The following CDK17 variants were observed in gnomAD, a reference collection of about 807,000 sequenced individuals.
CDK17 encodes the protein cyclin-dependent kinase 17.
CDK17 carries 24 observed loss-of-function variants against 77.6 expected under a neutral mutation model. That is an observed-to-expected ratio of 0.31 (90% CI 0.22 to 0.44). The LOEUF is 0.44. Among genes scored for constraint, CDK17 ranks in the 20% least tolerant of loss-of-function variants. The pLI is 1.00. For missense variants in CDK17, 429 were observed against 622.5 expected (o/e 0.69, Z 3.31); for synonymous variants, 203 against 210.4 (o/e 0.96, Z 0.30).
chr12:96,341,132 T>C (rs1231693676), intron 1 of CDK17, among the ~76,000 whole-genome samples: 1 of 152,158 alleles, frequency 6.6e-6, no homozygotes, highest in African/African-American at 2.4e-5. Flanking sequence ...TTAGAATAAA[T>C]GGATGAATCT....
chr12:96,288,863 T>C lies in CDK17; in HGVS notation c.1118+304A>G, dbSNP rs376774228. Among the ~76,000 whole-genome samples, 4 of 152,344 alleles carry C rather than the reference T, an allele frequency of 2.6e-5. No homozygotes were observed. The East Asian group carries it at 7.7e-4, about 29-fold the overall frequency. ...TCTCATAAAGCACTCTTCTGAGTGTTCATTTAATCTTAACATCACCTACAA... is the reference window on the plus strand; with the variant it reads ...TCTCATAAAGCACTCTTCTGAGTGTCCATTTAATCTTAACATCACCTACAA... On this transcript the variant is annotated intron_variant, in intron 11 of 16. Transcript: ENST00000261211.
At chr12:96,390,594 A>G (rs1363897060) in intron 1 of CDK17, among the ~76,000 whole-genome samples, 10 of 150,170 alleles carry the variant, frequency 6.7e-5, no homozygotes, top group Admixed American at 6.6e-4. Context: ...CTGTAGTCCC[A>G]GCTGCTCAGG....
Position 96,297,696 on chromosome 12 carries a change from A to G in CDK17, c.741T>C (p.His247=), listed in dbSNP as rs1306884453. 1 of 1,598,260 alleles carries G rather than the reference A, an allele frequency of 6.3e-7. No homozygotes were observed. Among genetic ancestry groups the G allele is most frequent in the African/African-American group, 1.3e-5 (1 of 74,476 alleles). The part of the protein sequence containing the change: ...REVSLLKDLK[H]ANIVTLHDIV... ...TGTCATGTAAGGTTACTATATTTGC[A>G]TGTTTTAAATCCTTTAATAGTGAAA... is the stretch of plus-strand genomic sequence containing the variant. The change falls in exon 8 of 17, where the codon CAT becomes CAC. Residue 247 remains histidine, a synonymous_variant. Transcript: ENST00000261211.
intron 1 of CDK17, chr12:96,398,992 G>A (rs1194434984): frequency 6.6e-6 from 1 of 152,180 alleles, no homozygotes; most frequent in African/African-American, 2.4e-5. Context: ...GGAAAGGGTG[G>A]GAGGAAGAGA....
At chr12:96,320,172 C>G (rs1011789320) in intron 3 of CDK17, among the ~76,000 whole-genome samples, 1 of 151,676 alleles carries the variant, frequency 6.6e-6, no homozygotes, top group Admixed American at 6.6e-5. Context: ...AACAGACAAA[C>G]AGAGAGCCAA....
At chr12:96,357,229 A>AGGCAGG (rs1431451568) in intron 1 of CDK17, among the ~76,000 whole-genome samples, 1 of 151,198 alleles carries the variant, frequency 6.6e-6, no homozygotes, top group Non-Finnish European at 1.5e-5. Context: ...TGGGAGGCTG[A>AGGCAGG]GGCAGGAGCA....
At chr12:96,353,533 T>C (rs1035554506) in intron 1 of CDK17, among the ~76,000 whole-genome samples, 3 of 144,974 alleles carry the variant, frequency 2.1e-5, no homozygotes, top group African/African-American at 7.6e-5. Flanking sequence ...TATTTTGAAA[T>C]AAGGAGCCAG....
Position 96,280,290 on chromosome 12 carries a change from A to C in CDK17, c.1535-11T>G. ...TGTTCTTCCCATGTCCTAAAATATA[A>C]AGTCATTTTATGAGGCAGTTCAAGG... On this transcript the variant is annotated splice_polypyrimidine_tract_variant and intron_variant, in intron 16 of 16. Transcript: ENST00000261211. 2 of 1,550,380 alleles carry C rather than the reference A, an allele frequency of 1.3e-6. No individual in the cohort carries two copies. The highest frequency in any genetic ancestry group is 8.7e-7 in the Non-Finnish European group (1 of 1,146,332).
chr12:96,313,506 A>C (rs867616175), intron 3 of CDK17, 52 bp from the exon 4 acceptor site: 1 of 1,035,994 alleles, frequency 9.7e-7, no homozygotes, highest in South Asian at 2.2e-5. Flanking sequence ...CTAATATATA[A>C]TTTATTATCA....
chr12:96,344,445 G>A (rs12814360), intron 1 of CDK17, among the ~76,000 whole-genome samples: 1 of 152,084 alleles, frequency 6.6e-6, no homozygotes, highest in Non-Finnish European at 1.5e-5. Flanking sequence ...CTTGAAAGCA[G>A]CAAGAGAAAA....
At chr12:96,374,473 A>T (rs1215184954) in intron 1 of CDK17, among the ~76,000 whole-genome samples, 2 of 152,212 alleles carry the variant, frequency 1.3e-5, no homozygotes, top group Non-Finnish European at 2.9e-5. Context: ...CCTCAAAGAA[A>T]TTATTTGTAG....
intron 1 of CDK17, among the ~76,000 whole-genome samples, chr12:96,369,471 G>A (rs10860026): frequency 0.16 from 23,748 of 149,720 alleles, 2,510 homozygotes; most frequent in East Asian, 0.55. Flanking sequence ...TATATGTGGT[G>A]AGGATTTCTT....
intron 11 of CDK17, among the ~76,000 whole-genome samples, chr12:96,288,134 G>A (rs1952270161): frequency 6.6e-6 from 1 of 152,156 alleles, no homozygotes; most frequent in Admixed American, 6.6e-5. Flanking sequence ...CAATATAAAT[G>A]TACTTAATGT....
intron 1 of CDK17, among the ~76,000 whole-genome samples, chr12:96,397,263 G>A (rs1209200699): frequency 2.0e-5 from 3 of 151,790 alleles, no homozygotes; most frequent in African/African-American, 7.3e-5. Context: ...CTATCCCTGT[G>A]CTACCGGGCA....
intron 15 of CDK17, 89 bp downstream of exon 15, chr12:96,282,420 A>G: frequency 1.2e-6 from 1 of 804,926 alleles, no homozygotes; most frequent in Admixed American, 2.2e-5. Flanking sequence ...TTAGGCTTAA[A>G]AATCAATAGC....
chr12:96,386,314 T>C (rs993465376), intron 1 of CDK17, among the ~76,000 whole-genome samples: 8 of 152,176 alleles, frequency 5.3e-5, no homozygotes, highest in African/African-American at 1.9e-4. Context: ...TTAATCACTT[T>C]GCCTTCACTT....
At chr12:96,394,972 T>C (rs1954144863) in intron 1 of CDK17, among the ~76,000 whole-genome samples, 2 of 151,448 alleles carry the variant, frequency 1.3e-5, no homozygotes, top group South Asian at 2.1e-4. Flanking sequence ...GCCTCCCAAG[T>C]TCAAGCAATT....
intron 1 of CDK17, among the ~76,000 whole-genome samples, chr12:96,350,044 C>T (rs1035741308): frequency 6.6e-6 from 1 of 151,970 alleles, no homozygotes; most frequent in Non-Finnish European, 1.5e-5. Flanking sequence ...CAGTAAAATA[C>T]TTAGGAATAA....
intron 1 of CDK17, among the ~76,000 whole-genome samples, chr12:96,365,159 A>C (rs1008348657): frequency 6.6e-6 from 1 of 152,208 alleles, no homozygotes; most frequent in East Asian, 1.9e-4. Context: ...CAAAGATGAG[A>C]TATTTGATAA....
Sources: allele counts gnomAD v4.1 joint callset (sites outside exome capture counted in the v4.1 genomes callset), GRCh38; gene constraint gnomAD v4.1.1; transcripts MANE v1.5; gene names NCBI Gene and HGNC (gene_info 2026-07-23, HGNC 2026-07-21).